Variants in GRM8 observed in about 807,000 individuals in gnomAD.
GRM8 encodes the protein metabotropic glutamate receptor 8.
GRM8 carries 47 observed loss-of-function variants against 87.2 expected under a neutral mutation model. The observed-to-expected ratio is 0.54, with a 90% confidence interval of 0.43 to 0.69. The LOEUF is 0.69. GRM8 is among the 30% of genes least tolerant of loss of function. The pLI is 0.00. For synonymous variants in GRM8, 396 were observed against 404.5 expected, an observed-to-expected ratio of 0.98 and a Z score of 0.25; for missense variants, 1,019 against 1,139.2, an observed-to-expected ratio of 0.89 and a Z score of 1.52.
At chr7:126,884,337 C>A (rs543216683) in intron 6 of GRM8, among the ~76,000 whole-genome samples, 3 of 152,008 alleles carry the variant, frequency 2.0e-5, no homozygotes, top group East Asian at 1.9e-4. Context: ...ATTGCATAAA[C>A]CTTTGTCAAA....
rs757802889 is a variant in GRM8 at position 127,243,150 on chromosome 7, C to A, written c.55G>T (p.Ala19Ser). ...ASCPCFFLLT[A>S]KFYWILTMMQ... ...ATTGTGAGGATCCAGTAGAACTTGG[C>A]GGTCAAGAGGAAGAAACAAGGGCAA... Residue 19 changes from alanine (A) to serine (S), a missense_variant, in exon 2 of 11, where the codon GCC becomes TCC. Ala to Ser is a moderately conservative substitution (Grantham distance 99). Transcript: ENST00000339582. The A allele has an allele frequency of 2.5e-6, 4 of 1,613,296 alleles. No individual in the cohort carries two copies. The South Asian group carries it at 3.3e-5, about 13-fold the overall frequency.
At chr7:127,208,240 G>A (rs550673874) in intron 2 of GRM8, among the ~76,000 whole-genome samples, 2 of 152,254 alleles carry the variant, frequency 1.3e-5, no homozygotes, top group African/African-American at 4.8e-5. Context: ...GTGAACATGG[G>A]ATGCAGGTAA....
chr7:127,188,788 T>C (rs1208967497), intron 2 of GRM8, among the ~76,000 whole-genome samples: 2 of 152,162 alleles, frequency 1.3e-5, no homozygotes, highest in Non-Finnish European at 1.5e-5. Context: ...CCAGACAAGT[T>C]TGATGACATT....
intron 3 of GRM8, among the ~76,000 whole-genome samples, chr7:127,037,186 A>G (rs924711570): frequency 2.6e-5 from 4 of 152,176 alleles, no homozygotes; most frequent in African/African-American, 4.8e-5. Flanking sequence ...TGCTAAGGGT[A>G]TAGATCTTCT....
At position 127,095,089 on chromosome 7, in the gene GRM8, G is replaced by A. The variant is rs143904417; in HGVS notation, c.727+11407C>T. Among the ~76,000 whole-genome samples the A allele has an allele frequency of 8.0e-3, 1,221 of 152,332 alleles. 11 individuals carry two copies. The highest frequency in any genetic ancestry group is 0.027 in the African/African-American group (1,131 of 41,578). On this transcript the variant is annotated intron_variant, in intron 3 of 10. Coordinates refer to ENST00000339582, the MANE Select transcript of GRM8 (RefSeq NM_000845.3). ...CCCTTCAACCCAGTCAGGTAAAGTT[G>A]ACAAGGAATAGGTAGTATGTCATGG...
chr7:127,229,401 G>GA (rs1797545657), intron 2 of GRM8: 1 of 152,190 alleles, frequency 6.6e-6, no homozygotes, highest in African/African-American at 2.4e-5. Context: ...TTTTCAGCAA[G>GA]GTTTTACCTG....
intron 8 of GRM8, among the ~76,000 whole-genome samples, chr7:126,554,349 G>C (rs997495069): frequency 6.6e-6 from 1 of 152,010 alleles, no homozygotes; most frequent in East Asian, 1.9e-4. Context: ...GGAGGCTGAG[G>C]TGGGCAGACA....
chr7:126,696,631 A>T (rs191007232), intron 7 of GRM8, among the ~76,000 whole-genome samples: 10 of 152,300 alleles, frequency 6.6e-5, no homozygotes. Flanking sequence ...CTTTTCTCTC[A>T]TGAAATAAGA....
chr7:126,733,243 A>T (rs1439982272), intron 7 of GRM8, among the ~76,000 whole-genome samples: 1 of 152,078 alleles, frequency 6.6e-6, no homozygotes, highest in Non-Finnish European at 1.5e-5. Flanking sequence ...AGGACATTTT[A>T]ACACTAATTG....
intron 3 of GRM8, among the ~76,000 whole-genome samples, chr7:126,966,129 T>C (rs1419450): frequency 0.1 from 15,303 of 152,164 alleles, 956 homozygotes; most frequent in East Asian, 0.22. Flanking sequence ...AGATTTCTTT[T>C]GTTGCTGTTC....
rs183036123 is a variant in GRM8, at chr7:126,616,744, A to T, written c.1358-7246T>A. Among the ~76,000 whole-genome samples the T allele has an allele frequency of 1.4e-4, 21 of 152,066 alleles. No homozygotes were observed. The East Asian group carries it at 4.0e-3, about 29-fold the overall frequency. On this transcript the variant is annotated intron_variant, in intron 7 of 10. Transcript: ENST00000339582. ...AAACTACCATCAGAGAATACTATAAACACCACTGCGGAAATAAACTAGAAA... is the reference window on the plus strand; with the variant it reads ...AAACTACCATCAGAGAATACTATAATCACCACTGCGGAAATAAACTAGAAA...
intron 6 of GRM8, among the ~76,000 whole-genome samples, chr7:126,898,602 A>G (rs1378546558): frequency 6.6e-6 from 1 of 152,216 alleles, no homozygotes; most frequent in African/African-American, 2.4e-5. Context: ...TTATAATTTT[A>G]GCAACACCCA....
intron 6 of GRM8, among the ~76,000 whole-genome samples, chr7:126,889,222 A>G (rs1180727648): frequency 6.6e-6 from 1 of 152,158 alleles, no homozygotes; most frequent in Non-Finnish European, 1.5e-5. Flanking sequence ...TCTCACCACC[A>G]AAATCTAAAA....
At chr7:127,033,934 T>C (rs1352732685) in intron 3 of GRM8, among the ~76,000 whole-genome samples, 2 of 152,194 alleles carry the variant, frequency 1.3e-5, no homozygotes, top group African/African-American at 4.8e-5. Context: ...CTAAAAGACA[T>C]ACCACAAGAG....
intron 7 of GRM8, among the ~76,000 whole-genome samples, chr7:126,748,599 C>T (rs746836819): frequency 3.9e-5 from 5 of 127,520 alleles, no homozygotes; most frequent in Admixed American, 8.2e-5. Flanking sequence ...CAGAGCAGGT[C>T]GGGTTTTTTT....
At chr7:126,698,118 C>T (rs974405498) in intron 7 of GRM8, among the ~76,000 whole-genome samples, 2 of 152,096 alleles carry the variant, frequency 1.3e-5, no homozygotes, top group Admixed American at 6.6e-5. Context: ...TACTCTTAAA[C>T]ATGCTACGTA....
chr7:126,760,019 T>C (rs2151571466), intron 7 of GRM8, among the ~76,000 whole-genome samples: 1 of 152,268 alleles, frequency 6.6e-6, no homozygotes, highest in Middle Eastern at 3.4e-3. Context: ...CTATTAGACA[T>C]AAACTCCTTC....
At chr7:127,050,712 T>A (rs1252677846) in intron 3 of GRM8, among the ~76,000 whole-genome samples, 1 of 152,174 alleles carries the variant, frequency 6.6e-6, no homozygotes, top group Non-Finnish European at 1.5e-5. Flanking sequence ...TTCTGATAAC[T>A]CTGCAACTTT....
At chr7:127,172,708 CA>C (rs61607299) in intron 2 of GRM8, among the ~76,000 whole-genome samples, 64,263 of 130,862 alleles carry the variant, frequency 0.49, 14,200 homozygotes, top group Middle Eastern at 0.6. Context: ...GACTCCGTCT[CA>C]AAAAAAAAAA....
Sources: gnomAD v4.1 joint callset for allele counts (sites outside exome capture counted in the v4.1 genomes callset) on GRCh38, gnomAD v4.1.1 for gene constraint, MANE v1.5 for transcripts, NCBI Gene and HGNC (gene_info 2026-07-23, HGNC 2026-07-21) for gene names.